CNTN1: variants seen among roughly 807,000 people sequenced by gnomAD.
The protein encoded by CNTN1 is contactin 1.
A neutral mutation model predicts 126.4 loss-of-function variants in CNTN1; 38 were observed. The observed-to-expected ratio is 0.30, with a 90% CI of 0.23 to 0.39. The LOEUF (loss-of-function observed/expected upper bound fraction) is 0.39. Among genes scored for constraint, CNTN1 ranks in the 10% least tolerant of loss-of-function variants. The probability of loss-of-function intolerance (pLI) is 1.00; values close to 1 mark genes in which losing one functional copy is unlikely to be tolerated. For missense variants in CNTN1, 1,009 were observed against 1,248.4 expected, an observed-to-expected ratio of 0.81 and a Z score of 2.89; for synonymous variants, 413 against 422.6, an observed-to-expected ratio of 0.98 and a Z score of 0.28.
intron 15 of CNTN1, among the ~76,000 whole-genome samples, chr12:40,980,677 T>C (rs558585771): frequency 6.6e-6 from 1 of 152,198 alleles, no homozygotes; most frequent in Non-Finnish European, 1.5e-5. Context: ...ACAATGTCAT[T>C]TTTAAATGAT....
chr12:41,066,999 A>G (rs564990677), intron 23 of CNTN1, among the ~76,000 whole-genome samples: 1 of 152,366 alleles, frequency 6.6e-6, no homozygotes, highest in East Asian at 1.9e-4. Flanking sequence ...ACTATATAAC[A>G]CATAAGTACC....
chr12:40,743,248 C>T (rs1266899810), intron 1 of CNTN1, among the ~76,000 whole-genome samples: 2 of 152,006 alleles, frequency 1.3e-5, no homozygotes, highest in African/African-American at 4.8e-5. Flanking sequence ...GCGGGAGTGA[C>T]AAGTGATAAA....
intron 1 of CNTN1, among the ~76,000 whole-genome samples, chr12:40,707,737 TTCA>T (rs1941808436): frequency 6.6e-6 from 1 of 152,216 alleles, no homozygotes; most frequent in South Asian, 2.1e-4. Context: ...AAGGAAGTGT[TTCA>T]TTGTGAGATG....
chr12:40,864,271 TGGCCTCTCAAAGTGCTGGGATTACA>T (rs1187020900), intron 1 of CNTN1, among the ~76,000 whole-genome samples: 1 of 151,784 alleles, frequency 6.6e-6, no homozygotes, highest in Non-Finnish European at 1.5e-5. Flanking sequence ...CTACCTGCCT[TGGCCTCTCAAAGTGCTGGGATTACA>T]GGCGTGAACC....
intron 23 of CNTN1, among the ~76,000 whole-genome samples, chr12:41,055,539 A>G (rs1486433715): frequency 6.6e-6 from 1 of 152,094 alleles, no homozygotes; most frequent in Non-Finnish European, 1.5e-5. Context: ...GTTGTGGTTT[A>G]CTATCATTCA....
At chr12:40,822,408 G>C (rs553558156) in intron 1 of CNTN1, among the ~76,000 whole-genome samples, 1 of 151,800 alleles carries the variant, frequency 6.6e-6, no homozygotes, top group East Asian at 1.9e-4. Flanking sequence ...GCTCGCCTCG[G>C]GCTCCCAAAG....
intron 1 of CNTN1, among the ~76,000 whole-genome samples, chr12:40,791,652 C>CA (rs1424663683): frequency 6.6e-6 from 1 of 152,042 alleles, no homozygotes; most frequent in East Asian, 1.9e-4. Flanking sequence ...TTAACCCTCA[C>CA]AAAAAACTGT....
At chr12:41,048,620 C>T (rs543688388) in intron 23 of CNTN1, among the ~76,000 whole-genome samples, 2 of 152,080 alleles carry the variant, frequency 1.3e-5, no homozygotes, top group East Asian at 3.9e-4. Context: ...TGATTTTTCT[C>T]ATCACCATAC....
chr12:40,957,979 C>T (rs1056838234), intron 14 of CNTN1, among the ~76,000 whole-genome samples: 1 of 152,010 alleles, frequency 6.6e-6, no homozygotes, highest in African/African-American at 2.4e-5. Context: ...AAAACGTTCA[C>T]TCCATGTACA....
At chr12:41,060,248 A>G (rs893721141) in intron 23 of CNTN1, among the ~76,000 whole-genome samples, 11 of 152,142 alleles carry the variant, frequency 7.2e-5, no homozygotes, top group African/African-American at 2.4e-4. Context: ...TGCAAGGGAC[A>G]GTCTTTCTTT....
At chr12:40,914,363 A>C (rs542806946) in intron 3 of CNTN1, among the ~76,000 whole-genome samples, 4 of 152,294 alleles carry the variant, frequency 2.6e-5, no homozygotes, top group Admixed American at 2.6e-4. Flanking sequence ...AGACATGAGG[A>C]TCATATTCAA....
chr12:40,771,662 A>C (rs1939339683), intron 1 of CNTN1, among the ~76,000 whole-genome samples: 1 of 151,968 alleles, frequency 6.6e-6, no homozygotes, highest in Non-Finnish European at 1.5e-5. Context: ...TAATAAGCAC[A>C]ATAGGCACCT....
At chr12:40,918,997 A>C (rs1945342951) in intron 4 of CNTN1, among the ~76,000 whole-genome samples, 1 of 152,234 alleles carries the variant, frequency 6.6e-6, no homozygotes, top group Non-Finnish European at 1.5e-5. Flanking sequence ...AGATAATGTT[A>C]CTGGCATTTG....
intron 14 of CNTN1, among the ~76,000 whole-genome samples, chr12:40,957,182 C>T (rs1361637501): frequency 2.0e-5 from 3 of 151,816 alleles, no homozygotes; most frequent in South Asian, 4.2e-4. Context: ...AAACTAAAAA[C>T]AGAATAGATA....
In CNTN1 at chr12:40,944,092, T is replaced by G; in HGVS notation, c.1605T>G (p.Asp535Glu). 1 of 1,613,598 alleles carries G rather than the reference T, an allele frequency of 6.2e-7. No homozygotes were observed. The highest frequency in any genetic ancestry group is 1.6e-4 in the Middle Eastern group (1 of 6,062). The part of the protein sequence containing the change: ...QCAASFDPAL[D>E]LTFVWSFNGY... Reference sequence around the variant, plus strand: ...CTGCGTCCTTTGATCCTGCCTTGGATCTCACATTTGTTTGGTCCTTCAATG... The same window carrying G: ...CTGCGTCCTTTGATCCTGCCTTGGAGCTCACATTTGTTTGGTCCTTCAATG... The change falls in exon 14 of 24, where the codon GAT becomes GAG. Residue 535 changes from aspartate to glutamate, a missense_variant. Physicochemically the swap from Asp to Glu is conservative, Grantham distance 45. Coordinates refer to ENST00000551295, the MANE Select transcript of CNTN1 (RefSeq NM_001843.4).
chr12:41,035,679 C>T (rs1054237482), intron 23 of CNTN1, among the ~76,000 whole-genome samples: 1 of 152,098 alleles, frequency 6.6e-6, no homozygotes, highest in Non-Finnish European at 1.5e-5. Flanking sequence ...TCAAGCCTCA[C>T]TAAGAAGGTG....
At chr12:41,061,634 A>G (rs757788174) in intron 23 of CNTN1, 3 of 315,264 alleles carry the variant, frequency 9.5e-6, no homozygotes, top group Non-Finnish European at 1.9e-5. Flanking sequence ...AATGTAACAA[A>G]TATGTTTGCA....
At chr12:40,965,946 AT>A (rs752433571) in intron 15 of CNTN1, among the ~76,000 whole-genome samples, 52 of 152,034 alleles carry the variant, frequency 3.4e-4, no homozygotes, top group Non-Finnish European at 6.2e-4. Flanking sequence ...AAAGTTCTAT[AT>A]AATATACACA....
At chr12:40,716,762 C>T (rs1311743885) in intron 1 of CNTN1, among the ~76,000 whole-genome samples, 1 of 152,164 alleles carries the variant, frequency 6.6e-6, no homozygotes, top group East Asian at 1.9e-4. Flanking sequence ...TGAGGGTAAA[C>T]CTCTGATACT....
Sources: gnomAD v4.1 joint callset for allele counts (sites outside exome capture counted in the v4.1 genomes callset) on GRCh38, gnomAD v4.1.1 for gene constraint, MANE v1.5 for transcripts, NCBI Gene and HGNC (gene_info 2026-07-23, HGNC 2026-07-21) for gene names.